HAPLN3: variants seen among roughly 807,000 people sequenced by gnomAD.
HAPLN3 encodes hyaluronan and proteoglycan link protein 3.
In HAPLN3, 28 loss-of-function variants were observed where a neutral mutation model predicts 28.1. The ratio of observed to expected loss-of-function variants is 1.00; its 90% confidence interval spans 0.74 to 1.37. The LOEUF (loss-of-function observed/expected upper bound fraction) is 1.37, where lower values mean the gene tolerates loss of function less well. Ranked by LOEUF, HAPLN3 falls within the 40% of genes most tolerant of loss-of-function variation. The pLI is 0.00. For synonymous variants in HAPLN3, 211 were observed against 213.1 expected (o/e 0.99, Z 0.09); for missense variants, 513 against 504.6 (o/e 1.02, Z -0.16).
chr15:88,878,089 G>A lies in HAPLN3; in HGVS notation c.964C>T (p.Arg322Cys), dbSNP rs199517111. 61 of 1,614,040 alleles carry A rather than the reference G, an allele frequency of 3.8e-5. No individual in the cohort carries two copies. Among genetic ancestry groups the A allele is most frequent in the Admixed American group, 1.3e-4 (8 of 60,028 alleles). Residue 322 changes from arginine (R) to cysteine (C), a missense_variant, in exon 5 of 5, where the codon CGC becomes TGC. Arg to Cys is a radical substitution (Grantham distance 180). Coordinates refer to ENST00000359595, the MANE Select transcript of HAPLN3 (RefSeq NM_178232.4). ...GGATGCGGGTGAACCACAGGGTAGC[G>A]GACGCTACCATCTGCCAGCCAGCCA... The part of the protein sequence containing the change: ...DAGWLADGSV[R>C]YPVVHPHPNC...
At position 88,895,127 on chromosome 15, in the gene HAPLN3, G is replaced by C. The variant is rs1003576064; in HGVS notation, c.-48+332C>G. Among the ~76,000 whole-genome samples, 5 of 152,226 alleles carry C rather than the reference G, an allele frequency of 3.3e-5. No homozygotes were observed. The highest frequency in any genetic ancestry group is 7.3e-5 in the Non-Finnish European group (5 of 68,040). On this transcript the variant is annotated intron_variant, in intron 1 of 4. Coordinates refer to ENST00000359595, the MANE Select transcript of HAPLN3 (RefSeq NM_178232.4). The surrounding 1 kb of genome is among the most constrained non-coding windows in gnomAD (Gnocchi z 5.5). ...GACCCTGGACAGACGACAGGGGAGA[G>C]AGCCAAGCGGACCCTGGCAGGAAGG...
At position 88,880,760 on chromosome 15, in the gene HAPLN3, T is replaced by C; in HGVS notation, c.493+597A>G. ...TTTGTTTGTTTTTTGTTTTGTTTTG[T>C]TTTTAAAAAGGAGGTTTTTACATAA... On this transcript the variant is annotated intron_variant, in intron 3 of 4. Coordinates refer to ENST00000359595, the MANE Select transcript of HAPLN3 (RefSeq NM_178232.4). This position sits in a 1 kb window ranked among gnomAD's most constrained non-coding sequence, Gnocchi z 6.0. The C allele has an allele frequency of 3.0e-6, 1 of 332,346 alleles. No individual in the cohort carries two copies. The highest frequency in any genetic ancestry group is 2.7e-5 in the South Asian group (1 of 37,464). 20.6% of individuals were successfully genotyped at this position (332,346 alleles called of 1,614,324 possible).
At chr15:88,878,934 A>G (rs1489751031) in intron 4 of HAPLN3, 33 bp downstream of exon 4, 1 of 1,564,708 alleles carries the variant, frequency 6.4e-7, no homozygotes, top group Non-Finnish European at 8.7e-7. Flanking sequence ...TGGCCACCAA[A>G]CCCACAGGCC....
intron 2 of HAPLN3, among the ~76,000 whole-genome samples, chr15:88,882,732 G>A (rs963407286): frequency 2.6e-5 from 4 of 152,164 alleles, no homozygotes; most frequent in African/African-American, 4.8e-5. Flanking sequence ...GGCCAGGCAC[G>A]GTGGTTCACG....
At position 88,879,708 on chromosome 15, in the gene HAPLN3, C is replaced by T. The variant is rs1164681848; in HGVS notation, c.494-439G>A. The T allele has an allele frequency of 3.4e-6, 4 of 1,179,526 alleles. 1 individual carries two copies. Among genetic ancestry groups the T allele is most frequent in the East Asian group, 1.2e-4 (2 of 16,700 alleles). The allele number at this position is 1,179,526 out of a possible 1,614,324, so 73.1% of individuals were successfully genotyped here. On this transcript the variant is annotated intron_variant, in intron 3 of 4. Coordinates refer to ENST00000359595, the MANE Select transcript of HAPLN3 (RefSeq NM_178232.4). The surrounding 1 kb of genome is among the most constrained non-coding windows in gnomAD (Gnocchi z 5.0). ...AAATTTCCTAGGAAAATGCAAGGAA[C>T]TTTCCACGTGTGGCAGATGATTTTC...
rs376933456 is a variant in HAPLN3 at position 88,880,494 on chromosome 15, G to A, written c.493+863C>T. On this transcript the variant is annotated intron_variant, in intron 3 of 4. Transcript: ENST00000359595. The surrounding 1 kb of genome is among the most constrained non-coding windows in gnomAD (Gnocchi z 6.0). Reference sequence around the variant, plus strand: ...AGGCCCAGGGCTCTAAGGGGGATGAGGCATTTACCCACATGTCATAGCTGG... The same window carrying A: ...AGGCCCAGGGCTCTAAGGGGGATGAAGCATTTACCCACATGTCATAGCTGG... 83 of 1,264,064 alleles carry A rather than the reference G, an allele frequency of 6.6e-5. No homozygotes were observed. In the East Asian group the frequency reaches 2.6e-3, roughly 39 times the overall value. The allele number at this position is 1,264,064 out of a possible 1,614,324, so 78.3% of individuals were successfully genotyped here.
intron 1 of HAPLN3, among the ~76,000 whole-genome samples, chr15:88,893,967 G>A (rs1423170738): frequency 1.3e-5 from 2 of 148,930 alleles, no homozygotes; most frequent in African/African-American, 2.5e-5. Flanking sequence ...GGGCGGTCAC[G>A]ACAATACCAA....
In HAPLN3 at chr15:88,878,088, C is replaced by T. The variant is rs374332821; in HGVS notation, c.965G>A (p.Arg322His). ...DAGWLADGSVRYPVVHPHPNC... is the reference protein window; with the variant it reads ...DAGWLADGSVHYPVVHPHPNC... ...AGGATGCGGGTGAACCACAGGGTAG[C>T]GGACGCTACCATCTGCCAGCCAGCC... Residue 322 changes from arginine (R) to histidine (H), a missense_variant, in exon 5 of 5, where the codon CGC becomes CAC. Arg to His is a conservative substitution (Grantham distance 29, BLOSUM62 0). Coordinates refer to ENST00000359595, the MANE Select transcript of HAPLN3 (RefSeq NM_178232.4). 9.9e-6 allele frequency: 16 copies of T among 1,614,020 alleles called. No homozygotes were observed. The highest frequency in any genetic ancestry group is 1.2e-5 in the Non-Finnish European group (14 of 1,179,998).
intron 1 of HAPLN3, among the ~76,000 whole-genome samples, chr15:88,891,696 G>A (rs541969700): frequency 3.2e-4 from 49 of 152,298 alleles, no homozygotes; most frequent in African/African-American, 1.2e-3. Context: ...TAAGTCATAT[G>A]CCCAAGGTCA....
Position 88,879,315 on chromosome 15 carries a change from G to A in HAPLN3, c.494-46C>T. On this transcript the variant is annotated intron_variant, in intron 3 of 4. Transcript: ENST00000359595. This position sits in a 1 kb window ranked among gnomAD's most constrained non-coding sequence, Gnocchi z 5.0. Reference sequence around the variant, plus strand: ...AGCTTAGGGGGTGGCCAGGGGCCCAGCTGGCTGGACACCCCGCTCTCCTCC... The same window carrying A: ...AGCTTAGGGGGTGGCCAGGGGCCCAACTGGCTGGACACCCCGCTCTCCTCC... The A allele has an allele frequency of 6.2e-7, 1 of 1,600,962 alleles. No individual in the cohort carries two copies. Among genetic ancestry groups the A allele is most frequent in the Non-Finnish European group, 8.5e-7 (1 of 1,177,944 alleles).
chr15:88,893,652 G>A (rs1394356503), intron 1 of HAPLN3, among the ~76,000 whole-genome samples: 1 of 152,022 alleles, frequency 6.6e-6, no homozygotes, highest in Admixed American at 6.6e-5. Flanking sequence ...CACAAGCCAG[G>A]CACAGTGCCT....
At chr15:88,890,308 A>T (rs1395494030) in intron 1 of HAPLN3, among the ~76,000 whole-genome samples, 1 of 152,206 alleles carries the variant, frequency 6.6e-6, no homozygotes, top group African/African-American at 2.4e-5. Flanking sequence ...TTCTTGTCCA[A>T]GAGGAATTCA....
chr15:88,878,891 C>G, intron 4 of HAPLN3, 76 bp downstream of exon 4: 2 of 1,422,936 alleles, frequency 1.4e-6, no homozygotes, highest in Non-Finnish European at 1.9e-6. Context: ...GGGGCCAGAG[C>G]TCCCCAGAAG....
At position 88,888,617 on chromosome 15, in the gene HAPLN3, C is replaced by A. The variant is rs1435594699; in HGVS notation, c.-47-1272G>T. ...TACTGCCTCACTCATGTCACCCTAG[C>A]CCTGCTCACCTGCCATTTACTGCGT... On this transcript the variant is annotated intron_variant, in intron 1 of 4. Transcript: ENST00000359595. This position sits in a 1 kb window ranked among gnomAD's most constrained non-coding sequence, Gnocchi z 4.1. 6.6e-6 allele frequency among the ~76,000 whole-genome samples: 1 copy of A among 152,172 alleles called. No individual in the cohort carries two copies. Among genetic ancestry groups the A allele is most frequent in the Non-Finnish European group, 1.5e-5 (1 of 68,036 alleles).
rs548201340 is a variant in HAPLN3, at chr15:88,887,355, G to A, written c.-47-10C>T. Reference sequence around the variant, plus strand: ...GGGGCCCCAGGGCAAACTGGGAAGGGGAGGAAAACAAGGCAATTAGAAAAG... The same window carrying A: ...GGGGCCCCAGGGCAAACTGGGAAGGAGAGGAAAACAAGGCAATTAGAAAAG... On this transcript the variant is annotated splice_polypyrimidine_tract_variant and intron_variant, in intron 1 of 4. Coordinates refer to ENST00000359595, the MANE Select transcript of HAPLN3 (RefSeq NM_178232.4). The A allele has an allele frequency of 1.9e-6, 3 of 1,602,962 alleles. No individual in the cohort carries two copies. The highest frequency in any genetic ancestry group is 2.6e-6 in the Non-Finnish European group (3 of 1,174,910).
At position 88,877,666 on chromosome 15, in the gene HAPLN3, C is replaced by A; in HGVS notation, c.*304G>T. ...CGGCGGCATTCTAGACAGGCCACCGCCCACTCTGGGCACCAACCTCCTTAA... is the reference window on the plus strand; with the variant it reads ...CGGCGGCATTCTAGACAGGCCACCGACCACTCTGGGCACCAACCTCCTTAA... On this transcript the variant is annotated 3_prime_UTR_variant, in exon 5 of 5. Transcript: ENST00000359595. This position sits in a 1 kb window ranked among gnomAD's most constrained non-coding sequence, Gnocchi z 5.1. 6.2e-6 allele frequency: 2 copies of A among 324,766 alleles called. No homozygotes were observed. The highest frequency in any genetic ancestry group is 1.1e-5 in the Non-Finnish European group (2 of 177,848). The allele number at this position is 324,766 out of a possible 1,614,324, so 20.1% of individuals were successfully genotyped here.
intron 1 of HAPLN3, among the ~76,000 whole-genome samples, chr15:88,890,091 C>T (rs1384883538): frequency 1.3e-5 from 2 of 152,110 alleles, no homozygotes; most frequent in Non-Finnish European, 2.9e-5. Context: ...CAGACACACA[C>T]AGCATTGGCT....
rs369395896 is a variant in HAPLN3 at position 88,881,729 on chromosome 15, G to A, written c.125-4C>T. 8.7e-6 allele frequency: 14 copies of A among 1,605,570 alleles called. No homozygotes were observed. Among genetic ancestry groups the A allele is most frequent in the East Asian group, 4.5e-5 (2 of 44,774 alleles). ...AGCTTCACTCCATTAAGGAGGTCTTGGGGGAGAGACAGGGTGCAGATGAGA... is the reference window on the plus strand; with the variant it reads ...AGCTTCACTCCATTAAGGAGGTCTTAGGGGAGAGACAGGGTGCAGATGAGA... On this transcript the variant is annotated splice_region_variant and splice_polypyrimidine_tract_variant and intron_variant, in intron 2 of 4. Coordinates refer to ENST00000359595, the MANE Select transcript of HAPLN3 (RefSeq NM_178232.4). The surrounding 1 kb of genome is among the most constrained non-coding windows in gnomAD (Gnocchi z 6.0).
chr15:88,879,422 T>C lies in HAPLN3; in HGVS notation c.494-153A>G, dbSNP rs371692682. On this transcript the variant is annotated intron_variant, in intron 3 of 4. Transcript: ENST00000359595. This position sits in a 1 kb window ranked among gnomAD's most constrained non-coding sequence, Gnocchi z 5.0. ...AAAACTCAGCAAACCTCTGACCTCC[T>C]GTCCGTTGCCGCCTCTCTCCTGGGA... 69 of 1,535,514 alleles carry C rather than the reference T, an allele frequency of 4.5e-5. No homozygotes were observed. The East Asian group carries it at 1.5e-3, about 34-fold the overall frequency.
Sources: gnomAD v4.1 joint callset for allele counts (sites outside exome capture counted in the v4.1 genomes callset) on GRCh38, gnomAD v4.1.1 for gene constraint, Gnocchi (gnomAD v3.1) non-coding constraint, MANE v1.5 for transcripts, NCBI Gene and HGNC (gene_info 2026-07-23, HGNC 2026-07-21) for gene names.